GPC6: variants seen among roughly 807,000 people sequenced by gnomAD.
The protein encoded by GPC6 is glypican 6.
A neutral mutation model predicts 55.2 loss-of-function variants in GPC6; 14 were observed. That is an observed-to-expected ratio of 0.25 (90% CI 0.17 to 0.40). The LOEUF is 0.40. GPC6 is among the 10% of genes least tolerant of loss of function. The pLI is 1.00. For missense variants in GPC6, 641 were observed against 708.5 expected (o/e 0.90, Z 1.08); for synonymous variants, 278 against 259.6 (o/e 1.07, Z -0.68).
intron 4 of GPC6, among the ~76,000 whole-genome samples, chr13:94,226,212 A>G (rs1890553557): frequency 6.6e-6 from 1 of 152,180 alleles, no homozygotes; most frequent in Non-Finnish European, 1.5e-5. Flanking sequence ...TTATATACAT[A>G]AATAATTTTT....
chr13:93,490,374 A>G (rs1879919685), intron 1 of GPC6, among the ~76,000 whole-genome samples: 1 of 151,032 alleles, frequency 6.6e-6, no homozygotes, highest in African/African-American at 2.4e-5. Flanking sequence ...GTTAATAAAA[A>G]TAAAATCTAT....
chr13:94,346,319 T>A (rs1046254838), intron 6 of GPC6, among the ~76,000 whole-genome samples: 2 of 152,206 alleles, frequency 1.3e-5, no homozygotes, highest in Non-Finnish European at 1.5e-5. Flanking sequence ...GAGTTCTTAA[T>A]CTCATTACAT....
intron 1 of GPC6, among the ~76,000 whole-genome samples, chr13:93,402,558 T>C (rs1876130627): frequency 6.6e-6 from 1 of 152,170 alleles, no homozygotes; most frequent in African/African-American, 2.4e-5. Flanking sequence ...GAAATTGCCA[T>C]GGCCAGGCCG....
intron 3 of GPC6, among the ~76,000 whole-genome samples, chr13:93,879,379 G>A (rs1874813679): frequency 6.6e-6 from 1 of 152,032 alleles, no homozygotes; most frequent in African/African-American, 2.4e-5. Flanking sequence ...TAGATCAATG[G>A]AACAGAACAG....
intron 2 of GPC6, among the ~76,000 whole-genome samples, chr13:93,777,866 A>G (rs771059426): frequency 7.9e-5 from 12 of 152,166 alleles, no homozygotes; most frequent in Non-Finnish European, 1.8e-4. Context: ...CTTTCATTAA[A>G]TTTCTGTTGC....
chr13:93,597,026 A>AAAAAAAAAAAAAAAG (rs1229732222), intron 2 of GPC6, among the ~76,000 whole-genome samples: 1 of 142,014 alleles, frequency 7.0e-6, no homozygotes, highest in African/African-American at 2.9e-5. Flanking sequence ...AAAAAAAAAA[A>AAAAAAAAAAAAAAAG]AAAAGAAAAG....
chr13:94,346,959 T>C (rs1878323581), intron 6 of GPC6, among the ~76,000 whole-genome samples: 1 of 152,200 alleles, frequency 6.6e-6, no homozygotes, highest in African/African-American at 2.4e-5. Flanking sequence ...ATCTAGTTCA[T>C]TATTTTCCAC....
intron 2 of GPC6, among the ~76,000 whole-genome samples, chr13:93,665,958 G>A (rs570956008): frequency 6.6e-6 from 1 of 152,218 alleles, no homozygotes; most frequent in East Asian, 1.9e-4. Context: ...TGCTATACCC[G>A]TAAGTCAGGC....
At chr13:93,650,508 ACT>A (rs1880363653) in intron 2 of GPC6, among the ~76,000 whole-genome samples, 1 of 151,668 alleles carries the variant, frequency 6.6e-6, no homozygotes, top group Non-Finnish European at 1.5e-5. Context: ...GAAAAAAAAT[ACT>A]GCCTTTCTAA....
chr13:94,201,799 A>C (rs1889758119), intron 4 of GPC6, among the ~76,000 whole-genome samples: 1 of 152,062 alleles, frequency 6.6e-6, no homozygotes, highest in Non-Finnish European at 1.5e-5. Context: ...AAATACAAAA[A>C]TTAGCTGGGC....
intron 3 of GPC6, among the ~76,000 whole-genome samples, chr13:93,957,312 T>A (rs540878859): frequency 1.3e-5 from 2 of 152,192 alleles, no homozygotes; most frequent in Non-Finnish European, 2.9e-5. Context: ...GTTACATGGG[T>A]GTATTATATG....
chr13:93,289,408 T>C (rs538436872), intron 1 of GPC6, among the ~76,000 whole-genome samples: 1 of 152,288 alleles, frequency 6.6e-6, no homozygotes, highest in Non-Finnish European at 1.5e-5. Flanking sequence ...CTCAAATTGA[T>C]TATTTTTTGG....
At chr13:94,394,191 C>A (rs569297923) in intron 7 of GPC6, among the ~76,000 whole-genome samples, 1 of 152,332 alleles carries the variant, frequency 6.6e-6, no homozygotes, top group South Asian at 2.1e-4. Flanking sequence ...AGATTTAGTT[C>A]CTAGCCATGC....
chr13:93,503,808 TATA>T (rs1378059135), intron 1 of GPC6, among the ~76,000 whole-genome samples: 13 of 152,186 alleles, frequency 8.5e-5, no homozygotes, highest in African/African-American at 3.1e-4. Context: ...TTGTGTTAAG[TATA>T]ATGTTTTAAA....
intron 2 of GPC6, among the ~76,000 whole-genome samples, chr13:93,636,701 C>T (rs1879714836): frequency 6.6e-6 from 1 of 152,098 alleles, no homozygotes; most frequent in Admixed American, 6.6e-5. Flanking sequence ...AATAAGGAGA[C>T]AGTGGAGGAG....
rs1256958013 is a variant in GPC6 at position 93,812,139 on chromosome 13, C to T, written c.320-18015C>T. Among the ~76,000 whole-genome samples the T allele has an allele frequency of 7.3e-4, 5 of 6,880 alleles. No individual in the cohort carries two copies. The Admixed American group carries it at 7.5e-3, about 10-fold the overall frequency. 4.5% of individuals were successfully genotyped at this position (6,880 alleles called of 152,430 possible). ...ATCCCAGCACTTTGGGAGTGCAAGG[C>T]GGTGGGGGGGGGGGCGGGGGGTGGG... On this transcript the variant is annotated intron_variant, in intron 2 of 8. Transcript: ENST00000377047.
intron 1 of GPC6, among the ~76,000 whole-genome samples, chr13:93,532,424 G>A (rs79002513): frequency 0.02 from 2,966 of 151,938 alleles, 43 homozygotes; most frequent in South Asian, 0.038. Flanking sequence ...AAATTTTATC[G>A]GTATAAATTG....
chr13:94,292,691 C>A (rs770013144), intron 5 of GPC6, among the ~76,000 whole-genome samples: 4 of 152,096 alleles, frequency 2.6e-5, no homozygotes, highest in Non-Finnish European at 2.9e-5. Context: ...TGGGATATCT[C>A]TTTCCCCAAA....
At chr13:93,994,795 C>T (rs527539273) in intron 3 of GPC6, among the ~76,000 whole-genome samples, 54 of 152,276 alleles carry the variant, frequency 3.5e-4, no homozygotes, top group African/African-American at 6.3e-4. Flanking sequence ...ATATCCAGTA[C>T]GATTTTTAAA....
Sources: allele counts gnomAD v4.1 joint callset (sites outside exome capture counted in the v4.1 genomes callset), GRCh38; gene constraint gnomAD v4.1.1; transcripts MANE v1.5; gene names NCBI Gene and HGNC (gene_info 2026-07-23, HGNC 2026-07-21).